The following SLC9A1 variants were observed in gnomAD, a reference collection of about 807,000 sequenced individuals.
SLC9A1 encodes the protein sodium/hydrogen exchanger 1.
Under a neutral mutation model 67.9 loss-of-function variants are expected in SLC9A1, and 22 were observed. The observed-to-expected ratio is 0.32, with a 90% CI of 0.23 to 0.46. SLC9A1 has a LOEUF of 0.46. SLC9A1 is among the 20% of genes least tolerant of loss of function. SLC9A1 has a pLI of 1.00. For synonymous variants in SLC9A1, 421 were observed against 471.8 expected, an observed-to-expected ratio of 0.89 and a Z score of 1.40; for missense variants, 686 against 1,094.8, an observed-to-expected ratio of 0.63 and a Z score of 5.27.
Position 27,143,229 on chromosome 1 carries a change from C to A in SLC9A1, c.352+10754G>T, listed in dbSNP as rs75088733. ...ATCATCCAGTCCATCCTCTCACCTA[C>A]ACCAGAATCCCTTAGCAACCCCTCC... On this transcript the variant is annotated intron_variant, in intron 1 of 11. Coordinates refer to ENST00000263980, the MANE Select transcript of SLC9A1 (RefSeq NM_003047.5). Among the ~76,000 whole-genome samples, 1,231 of 152,160 alleles carry A rather than the reference C, an allele frequency of 8.1e-3. 16 individuals are homozygous for A. Among genetic ancestry groups the A allele is most frequent in the African/African-American group, 0.028 (1,141 of 41,474 alleles).
intron 1 of SLC9A1, among the ~76,000 whole-genome samples, chr1:27,119,085 A>ACACACACACT (rs1194276206): frequency 2.9e-5 from 4 of 138,968 alleles, no homozygotes; most frequent in African/African-American, 8.0e-5. Context: ...ACACACACAC[A>ACACACACACT]CTCTTGCTGA....
chr1:27,100,185 G>A lies in SLC9A1; in HGVS notation c.*122C>T, dbSNP rs2083130117. The A allele has an allele frequency of 1.5e-6, 1 of 675,184 alleles. No homozygotes were observed. Among genetic ancestry groups the A allele is most frequent in the African/African-American group, 1.8e-5 (1 of 54,660 alleles). The allele number at this position is 675,184 out of a possible 1,614,324, so 41.8% of individuals were successfully genotyped here. On this transcript the variant is annotated 3_prime_UTR_variant, in exon 12 of 12. Coordinates refer to ENST00000263980, the MANE Select transcript of SLC9A1 (RefSeq NM_003047.5). This position sits in a 1 kb window ranked among gnomAD's most constrained non-coding sequence, Gnocchi z 5.6. ...TGGGGTGGGGGCTGTGGGCCCAGCT[G>A]CCATGCGGTAGGGGGAGGGGCAGGG...
At chr1:27,151,018 G>A (rs1557438561) in intron 1 of SLC9A1, among the ~76,000 whole-genome samples, 1 of 152,160 alleles carries the variant, frequency 6.6e-6, no homozygotes, top group Non-Finnish European at 1.5e-5. Flanking sequence ...AGGGAGCATG[G>A]CCTCAGCCCC....
At chr1:27,128,921 T>C (rs967075827) in intron 1 of SLC9A1, among the ~76,000 whole-genome samples, 12 of 152,044 alleles carry the variant, frequency 7.9e-5, no homozygotes, top group South Asian at 6.2e-4. Flanking sequence ...CCTCACGCCA[T>C]TGCACTCCAG....
Position 27,101,244 on chromosome 1 carries a change from T to C in SLC9A1, c.2069A>G (p.Lys690Arg). Residue 690 changes from lysine to arginine, a missense_variant, in exon 11 of 12, where the codon AAG becomes AGG. By Grantham distance (26) the Lys-to-Arg change is conservative (BLOSUM62 2). Transcript: ENST00000263980. The surrounding 1 kb of genome is among the most constrained non-coding windows in gnomAD (Gnocchi z 4.9). ...CCGAGACATGGTGGGTGAGTCCAGC[T>C]TGTGGGCTGGCACCGTCAGGTAGTT... The part of the protein sequence containing the change: ...INNYLTVPAH[K>R]LDSPTMSRAR... 6.2e-7 allele frequency: 1 copy of C among 1,612,290 alleles called. No homozygotes were observed.
intron 5 of SLC9A1, 43 bp from the exon 6 acceptor site, chr1:27,103,355 A>T: frequency 7.1e-7 from 1 of 1,398,898 alleles, no homozygotes. Flanking sequence ...TCTGCTACCC[A>T]GGCAGGGAGG....
chr1:27,107,198 A>C (rs1457141726), intron 4 of SLC9A1, among the ~76,000 whole-genome samples: 3 of 258 alleles, frequency 0.012, no homozygotes, highest in Admixed American at 0.028. Context: ...CTCCACACAC[A>C]CACACACACA....
intron 1 of SLC9A1, among the ~76,000 whole-genome samples, chr1:27,116,715 ACCCAAGT>A (rs1264112280): frequency 1.3e-5 from 2 of 152,140 alleles, no homozygotes; most frequent in African/African-American, 4.8e-5. Flanking sequence ...GTCATGTTGG[ACCCAAGT>A]CTCTCTTGCT....
intron 1 of SLC9A1, among the ~76,000 whole-genome samples, chr1:27,130,887 A>T (rs1246130907): frequency 6.6e-6 from 1 of 152,196 alleles, no homozygotes; most frequent in African/African-American, 2.4e-5. Flanking sequence ...CACTGGTGAT[A>T]AGCTGAGCAC....
chr1:27,141,765 GAGTCTTA>G (rs1557433539), intron 1 of SLC9A1, among the ~76,000 whole-genome samples: 3 of 152,220 alleles, frequency 2.0e-5, no homozygotes, highest in African/African-American at 4.8e-5. Context: ...GCTGTAACCT[GAGTCTTA>G]GGCTTTGCCC....
In SLC9A1 at chr1:27,101,522, T is replaced by C. The variant is rs777308268; in HGVS notation, c.2037+203A>G. 6.6e-6 allele frequency among the ~76,000 whole-genome samples: 1 copy of C among 152,180 alleles called. No homozygotes were observed. Among genetic ancestry groups the C allele is most frequent in the Non-Finnish European group, 1.5e-5 (1 of 68,034 alleles). The stretch of plus-strand genomic sequence containing the variant: ...TAAATCCACCCATTCCTCTGTCCCC[T>C]GCCACTGCCCTAACCCAGGCCATGC... On this transcript the variant is annotated intron_variant, in intron 10 of 11. Transcript: ENST00000263980. The surrounding 1 kb of genome is among the most constrained non-coding windows in gnomAD (Gnocchi z 4.9).
intron 1 of SLC9A1, among the ~76,000 whole-genome samples, chr1:27,153,454 CCT>C (rs1422665152): frequency 5.9e-5 from 9 of 152,162 alleles, no homozygotes; most frequent in African/African-American, 9.7e-5. Context: ...ATGGGGATCC[CCT>C]GTGTTCCACC....
At chr1:27,124,494 G>A (rs910281811) in intron 1 of SLC9A1, among the ~76,000 whole-genome samples, 1 of 152,308 alleles carries the variant, frequency 6.6e-6, no homozygotes, top group South Asian at 2.1e-4. Context: ...CAGTAGGAAA[G>A]CAACACAAAA....
intron 1 of SLC9A1, among the ~76,000 whole-genome samples, chr1:27,136,411 C>T (rs1200486815): frequency 1.3e-5 from 2 of 152,244 alleles, no homozygotes; most frequent in African/African-American, 4.8e-5. Flanking sequence ...CAGAGCTGGG[C>T]CTGGGCTTGG....
At chr1:27,117,297 A>T (rs1314234869) in intron 1 of SLC9A1, among the ~76,000 whole-genome samples, 1 of 152,240 alleles carries the variant, frequency 6.6e-6, no homozygotes, top group African/African-American at 2.4e-5. Flanking sequence ...GTCCAGCTCC[A>T]GCCAGCTGCA....
At chr1:27,131,145 C>T (rs923494645) in intron 1 of SLC9A1, among the ~76,000 whole-genome samples, 3 of 152,150 alleles carry the variant, frequency 2.0e-5, no homozygotes, top group African/African-American at 7.2e-5. Flanking sequence ...CTGGGGCAGC[C>T]AGAACTGGGG....
At chr1:27,102,615 C>T in intron 7 of SLC9A1, 57 bp from the exon 8 acceptor site, 1 of 1,612,084 alleles carries the variant, frequency 6.2e-7, no homozygotes, top group Non-Finnish European at 8.5e-7. Context: ...GGGAGATGCC[C>T]AGGCCCAGGA....
At position 27,102,366 on chromosome 1, in the gene SLC9A1, T is replaced by C. The variant is rs1228431391; in HGVS notation, c.1820+19A>G. The C allele has an allele frequency of 6.4e-7, 1 of 1,569,450 alleles. No individual in the cohort carries two copies. Among genetic ancestry groups the C allele is most frequent in the Admixed American group, 1.8e-5 (1 of 55,996 alleles). On this transcript the variant is annotated intron_variant, in intron 8 of 11. Coordinates refer to ENST00000263980, the MANE Select transcript of SLC9A1 (RefSeq NM_003047.5). ...CCGGTGTGTGGGAGCAGAAGCTGCCTGGTTGCCCCAGCACTCACTGCATGG... is the reference window on the plus strand; with the variant it reads ...CCGGTGTGTGGGAGCAGAAGCTGCCCGGTTGCCCCAGCACTCACTGCATGG...
chr1:27,133,291 A>G lies in SLC9A1; in HGVS notation c.353-19005T>C, dbSNP rs141366667. Among the ~76,000 whole-genome samples, 1,010 of 151,602 alleles carry G rather than the reference A, an allele frequency of 6.7e-3. 9 individuals are homozygous for G. Among genetic ancestry groups the G allele is most frequent in the African/African-American group, 0.023 (931 of 41,328 alleles). On this transcript the variant is annotated intron_variant, in intron 1 of 11. Transcript: ENST00000263980. The stretch of plus-strand genomic sequence containing the variant: ...ATCATGTTGGCCAGGCTGGTCTCAA[A>G]CTCCTGACCTCAAGCGACCCACCTG...
Sources: gnomAD v4.1 joint callset for allele counts (sites outside exome capture counted in the v4.1 genomes callset) on GRCh38, gnomAD v4.1.1 for gene constraint, Gnocchi (gnomAD v3.1) non-coding constraint, MANE v1.5 for transcripts, NCBI Gene and HGNC (gene_info 2026-07-23, HGNC 2026-07-21) for gene names.